CPM: variants seen among roughly 807,000 people sequenced by gnomAD.
CPM encodes the protein carboxypeptidase M.
CPM carries 35 observed loss-of-function variants against 46.4 expected under a neutral mutation model. The ratio of observed to expected loss-of-function variants is 0.75; its 90% CI spans 0.58 to 1.00. The LOEUF is 1.00. CPM is among the 50% of genes least tolerant of loss of function. The pLI, the probability that CPM is intolerant of heterozygous loss-of-function variation, is 0.00. For missense variants in CPM, 422 were observed against 530.4 expected, an observed-to-expected ratio of 0.80 and a Z score of 2.01; for synonymous variants, 195 against 195.3, an observed-to-expected ratio of 1.00 and a Z score of 0.01.
In CPM at chr12:68,885,717, C is replaced by T. The variant is rs1439386631; in HGVS notation, c.258+75G>A. On this transcript the variant is annotated intron_variant, in intron 3 of 8. Coordinates refer to ENST00000551568, the MANE Select transcript of CPM (RefSeq NM_198320.5). ...AGACTTCTCCAGGCTTCCTCGGTAG[C>T]ATTTATACAGAGCTCAAGAGACCCT... is the stretch of plus-strand genomic sequence containing the variant. 2.5e-6 allele frequency: 3 copies of T among 1,208,158 alleles called. No individual in the cohort carries two copies. The East Asian group carries it at 7.0e-5, about 28-fold the overall frequency. 74.8% of individuals were successfully genotyped at this position (1,208,158 alleles called of 1,614,324 possible). A position where few individuals can be genotyped will look rare whatever the true frequency, so the allele number is the denominator to read the frequency against.
chr12:68,930,653 T>C (rs1437563186), intron 2 of CPM, among the ~76,000 whole-genome samples: 1 of 152,276 alleles, frequency 6.6e-6, no homozygotes, highest in Admixed American at 6.5e-5. Flanking sequence ...TGTCAGATTT[T>C]ATTTTTACAT....
chr12:68,845,738 A>G (rs6581837), intron 5 of CPM: 13,994 of 162,110 alleles, frequency 0.086, 2,124 homozygotes, highest in African/African-American at 0.32. Context: ...TAAAAATAGC[A>G]TCTTTCCTAA....
intron 2 of CPM, among the ~76,000 whole-genome samples, chr12:68,908,078 G>A (rs1314949733): frequency 2.6e-5 from 4 of 152,040 alleles, no homozygotes; most frequent in Non-Finnish European, 5.9e-5. Flanking sequence ...CCCCTGCCTC[G>A]GCCTCCCAAA....
chr12:68,957,476 G>T, intron 1 of CPM: 1 of 270,328 alleles, frequency 3.7e-6, no homozygotes. Context: ...TTTCCAAAAT[G>T]CAGTTGAGAA....
chr12:68,858,943 G>T lies in CPM; in HGVS notation c.1069C>A (p.Pro357Thr). 6.6e-7 allele frequency: 1 copy of T among 1,504,992 alleles called. No individual in the cohort carries two copies. The highest frequency in any genetic ancestry group is 1.4e-5 in the South Asian group (1 of 70,882). 93.2% of individuals were successfully genotyped at this position (1,504,992 alleles called of 1,614,324 possible). A position where few individuals can be genotyped will look rare whatever the true frequency, so the allele number is the denominator to read the frequency against. ...CTTACATTTATTATATAAGACCCAGGCAAGAGAAGGAGATAATACTCTCCA... is the reference window on the plus strand; with the variant it reads ...CTTACATTTATTATATAAGACCCAGTCAAGAGAAGGAGATAATACTCTCCA... Reference protein sequence around the residue: ...KYGEYYLLLLPGSYIINVTVP... With the variant: ...KYGEYYLLLLTGSYIINVTVP... Residue 357 changes from proline to threonine, a missense_variant, in exon 8 of 9, where the codon CCT becomes ACT. Transcript: ENST00000551568.
intron 3 of CPM, among the ~76,000 whole-genome samples, chr12:68,883,597 T>C (rs1229455587): frequency 2.0e-5 from 3 of 152,042 alleles, no homozygotes; most frequent in South Asian, 2.1e-4. Flanking sequence ...ATTTGAACGA[T>C]ACACCAGACA....
intron 7 of CPM, among the ~76,000 whole-genome samples, chr12:68,866,547 T>C (rs1885456724): frequency 6.6e-6 from 1 of 152,168 alleles, no homozygotes; most frequent in African/African-American, 2.4e-5. Context: ...TTTCGCCTTG[T>C]TGGCCAGGCT....
chr12:68,952,450 C>T (rs750475664), intron 1 of CPM, among the ~76,000 whole-genome samples: 34 of 152,142 alleles, frequency 2.2e-4, no homozygotes, highest in Non-Finnish European at 3.1e-4. Flanking sequence ...ATCTCCAGGA[C>T]GGGCTACATG....
At chr12:68,932,407 G>A (rs1009483010) in intron 2 of CPM, among the ~76,000 whole-genome samples, 1 of 152,212 alleles carries the variant, frequency 6.6e-6, no homozygotes, top group African/African-American at 2.4e-5. Flanking sequence ...AATAACCAAT[G>A]TCTGCAAGAT....
chr12:68,867,660 G>A (rs1885512352), intron 6 of CPM, among the ~76,000 whole-genome samples: 1 of 152,174 alleles, frequency 6.6e-6, no homozygotes, highest in East Asian at 1.9e-4. Context: ...TGGAGTGCAG[G>A]CCACCTTCCG....
Position 68,874,412 on chromosome 12 carries a change from T to C in CPM, c.259-2456A>G, listed in dbSNP as rs1370836346. Among the ~76,000 whole-genome samples, 4 of 152,086 alleles carry C rather than the reference T, an allele frequency of 2.6e-5. No homozygotes were observed. In the South Asian group the frequency reaches 8.3e-4, roughly 32 times the overall value. On this transcript the variant is annotated intron_variant, in intron 3 of 8. Coordinates refer to ENST00000551568, the MANE Select transcript of CPM (RefSeq NM_198320.5). ...GGGTGGATCACCCGAAGTCAGGAGTTTGAGACCAGCCTGGCCAACATGGTG... is the reference window on the plus strand; with the variant it reads ...GGGTGGATCACCCGAAGTCAGGAGTCTGAGACCAGCCTGGCCAACATGGTG...
chr12:68,877,307 T>C (rs911476338), intron 3 of CPM, among the ~76,000 whole-genome samples: 2 of 152,196 alleles, frequency 1.3e-5, no homozygotes, highest in African/African-American at 4.8e-5. Context: ...GTTCTTGGTG[T>C]AGCTTGTCCA....
chr12:68,953,624 A>G (rs1303698144), intron 1 of CPM, among the ~76,000 whole-genome samples: 1 of 152,218 alleles, frequency 6.6e-6, no homozygotes, highest in African/African-American at 2.4e-5. Flanking sequence ...AACAGTGGCA[A>G]TCCAGACAAG....
intron 2 of CPM, among the ~76,000 whole-genome samples, chr12:68,917,797 G>C (rs958323976): frequency 1.3e-5 from 2 of 152,132 alleles, no homozygotes; most frequent in East Asian, 3.9e-4. Flanking sequence ...ATAGCTACAC[G>C]ACCAGCTCCC....
chr12:68,901,224 T>G (rs533292679), intron 2 of CPM, among the ~76,000 whole-genome samples: 3 of 151,990 alleles, frequency 2.0e-5, no homozygotes, highest in Admixed American at 1.3e-4. Context: ...GAAAATAAAG[T>G]CTTAAAAAAA....
intron 1 of CPM, among the ~76,000 whole-genome samples, chr12:68,945,304 G>T (rs1277879967): frequency 6.6e-6 from 1 of 152,154 alleles, no homozygotes; most frequent in African/African-American, 2.4e-5. Flanking sequence ...TTAGCTCTTT[G>T]TGCCCCCAGG....
intron 5 of CPM, chr12:68,844,988 A>AGTCT (rs1458539083): frequency 2.1e-5 from 4 of 194,098 alleles, no homozygotes; most frequent in Non-Finnish European, 3.2e-5. Flanking sequence ...GGCTGGGCTC[A>AGTCT]AACTCCTGAC....
chr12:68,888,382 G>A (rs1255492595), intron 2 of CPM, among the ~76,000 whole-genome samples: 1 of 152,146 alleles, frequency 6.6e-6, no homozygotes. Flanking sequence ...GTCCCTAAGT[G>A]AACTGCAAGA....
At chr12:68,944,642 C>T (rs752846536) in intron 1 of CPM, among the ~76,000 whole-genome samples, 5 of 152,026 alleles carry the variant, frequency 3.3e-5, no homozygotes, top group East Asian at 1.9e-4. Context: ...TCAAGTCATC[C>T]GCCCAGCTCA....
Sources: allele counts gnomAD v4.1 joint callset (sites outside exome capture counted in the v4.1 genomes callset), GRCh38; gene constraint gnomAD v4.1.1; transcripts MANE v1.5; gene names NCBI Gene and HGNC (gene_info 2026-07-23, HGNC 2026-07-21).